BUB1B: variants seen among roughly 807,000 people sequenced by gnomAD.
BUB1B encodes the protein BUB1 mitotic checkpoint serine/threonine kinase B.
BUB1B carries 86 observed loss-of-function variants against 137.7 expected under a neutral mutation model. The ratio of observed to expected loss-of-function variants is 0.62; its 90% CI spans 0.52 to 0.75. The LOEUF (loss-of-function observed/expected upper bound fraction) is 0.75. BUB1B is among the 30% of genes least tolerant of loss of function. The probability of loss-of-function intolerance (pLI) is 0.00; values close to 1 mark genes in which losing one functional copy is unlikely to be tolerated. For missense variants in BUB1B, 1,130 were observed against 1,236.9 expected (o/e 0.91, Z 1.30); for synonymous variants, 420 against 417.9 (o/e 1.00, Z -0.06).
intron 9 of BUB1B, among the ~76,000 whole-genome samples, 195 bp downstream of exon 9, chr15:40,196,969 C>T (rs748469252): frequency 6.6e-6 from 1 of 152,148 alleles, no homozygotes; most frequent in Non-Finnish European, 1.5e-5. Flanking sequence ...TGTGTATCAG[C>T]CAAACTCCCA....
intron 9 of BUB1B, among the ~76,000 whole-genome samples, chr15:40,197,076 C>T (rs1159061188): frequency 6.6e-6 from 1 of 152,038 alleles, no homozygotes; most frequent in African/African-American, 2.4e-5. Context: ...ATTTATATTC[C>T]CCAATACAAT....
chr15:40,207,308 G>C (rs1351840293), intron 15 of BUB1B, among the ~76,000 whole-genome samples: 1 of 152,152 alleles, frequency 6.6e-6, no homozygotes. Flanking sequence ...TGCTTTTAAA[G>C]CTACATTTTG....
chr15:40,212,588 T>C lies in BUB1B; in HGVS notation c.2475T>C (p.Cys825=), dbSNP rs1163974500. 2 of 1,613,586 alleles carry C rather than the reference T, an allele frequency of 1.2e-6. No homozygotes were observed. Among genetic ancestry groups the C allele is most frequent in the Admixed American group, 3.3e-5 (2 of 60,000 alleles). The change falls in exon 19 of 23, where the codon TGT becomes TGC. Residue 825 remains cysteine (C), a synonymous_variant. Coordinates refer to ENST00000287598, the MANE Select transcript of BUB1B (RefSeq NM_001211.6). ...AAGATTTTGATCATTTTTGCAGCTGTTATCAATATCAAGATGGCTGTATTG... is the reference window on the plus strand; with the variant it reads ...AAGATTTTGATCATTTTTGCAGCTGCTATCAATATCAAGATGGCTGTATTG... ...LNEDFDHFCS[C]YQYQDGCIVW...
chr15:40,220,490 C>T, intron 22 of BUB1B, 74 bp from the exon 23 acceptor site: 5 of 1,492,134 alleles, frequency 3.4e-6, no homozygotes, highest in Non-Finnish European at 4.7e-6. Flanking sequence ...ATAAATGTAC[C>T]ACTGAGTTAA....
At chr15:40,199,389 G>GT (rs1248548708) in intron 9 of BUB1B, among the ~76,000 whole-genome samples, 2 of 152,098 alleles carry the variant, frequency 1.3e-5, no homozygotes, top group Non-Finnish European at 2.9e-5. Flanking sequence ...GGTATTCAAT[G>GT]TTTTTTTCCT....
chr15:40,168,329 T>C (rs868528716), intron 2 of BUB1B, among the ~76,000 whole-genome samples: 2 of 151,682 alleles, frequency 1.3e-5, no homozygotes, highest in South Asian at 2.1e-4. Flanking sequence ...ATTGTGCCAT[T>C]GCACTCTAGC....
chr15:40,209,544 A>G lies in BUB1B; in HGVS notation c.2144-91A>G. 5 of 1,423,124 alleles carry G rather than the reference A, an allele frequency of 3.5e-6. No homozygotes were observed. The East Asian group carries it at 1.2e-4, about 34-fold the overall frequency. The allele number at this position is 1,423,124 out of a possible 1,614,324, so 88.2% of individuals were successfully genotyped here. On this transcript the variant is annotated intron_variant, in intron 16 of 22. Coordinates refer to ENST00000287598, the MANE Select transcript of BUB1B (RefSeq NM_001211.6). ...TAACAGTGCTGACTGTGTAATCTTGATTTTTTTTTTCTTCTACTCTGTTAT... is the reference window on the plus strand; with the variant it reads ...TAACAGTGCTGACTGTGTAATCTTGGTTTTTTTTTTCTTCTACTCTGTTAT...
At chr15:40,187,327 C>T (rs1360795802) in intron 8 of BUB1B, among the ~76,000 whole-genome samples, 9 of 151,970 alleles carry the variant, frequency 5.9e-5, no homozygotes, top group South Asian at 2.1e-4. Context: ...GGGATTTCAC[C>T]GTGTTAGCCA....
intron 9 of BUB1B, among the ~76,000 whole-genome samples, chr15:40,198,131 T>G (rs2037520000): frequency 6.6e-6 from 1 of 152,056 alleles, no homozygotes; most frequent in Non-Finnish European, 1.5e-5. Flanking sequence ...AAAAGGTACA[T>G]TTTGTTTTCA....
intron 5 of BUB1B, among the ~76,000 whole-genome samples, chr15:40,182,610 G>A (rs1464693269): frequency 6.6e-6 from 1 of 152,182 alleles, no homozygotes; most frequent in Non-Finnish European, 1.5e-5. Context: ...AGCCTTTTCT[G>A]TGCTGCTTTG....
Position 40,201,063 on chromosome 15 carries a change from A to G in BUB1B, c.1567+83A>G, listed in dbSNP as rs574273088. The G allele has an allele frequency of 6.7e-6, 9 of 1,338,210 alleles. No homozygotes were observed. In the African/African-American group the frequency reaches 1.0e-4, roughly 15 times the overall value. 82.9% of individuals were successfully genotyped at this position (1,338,210 alleles called of 1,614,324 possible). A position where few individuals can be genotyped will look rare whatever the true frequency, so the allele number is the denominator to read the frequency against. ...TAAATGGTAAATATTTTTAATTATG[A>G]TAAAGGGATTGAAAGACAGGGGGAC... On this transcript the variant is annotated intron_variant, in intron 12 of 22. Transcript: ENST00000287598.
chr15:40,181,081 T>C (rs937992268), intron 5 of BUB1B, among the ~76,000 whole-genome samples: 3 of 145,996 alleles, frequency 2.1e-5, no homozygotes, highest in African/African-American at 7.6e-5. Flanking sequence ...GATTGTGATG[T>C]GTCTAGATGT....
At chr15:40,165,221 C>T (rs768361293) in intron 2 of BUB1B, 25 bp downstream of exon 2, 1 of 1,614,024 alleles carries the variant, frequency 6.2e-7, no homozygotes, top group South Asian at 1.1e-5. Flanking sequence ...TGAGTCTCAA[C>T]CTGTCGTCAT....
At chr15:40,204,735 C>T (rs1304842568) in intron 14 of BUB1B, among the ~76,000 whole-genome samples, 1 of 151,772 alleles carries the variant, frequency 6.6e-6, no homozygotes, top group East Asian at 1.9e-4. Flanking sequence ...CTCCTGTACT[C>T]AAGCATTCCT....
intron 8 of BUB1B, among the ~76,000 whole-genome samples, chr15:40,188,609 G>T (rs1428956265): frequency 2.0e-4 from 28 of 139,030 alleles, no homozygotes; most frequent in African/African-American, 7.7e-4. Context: ...TCGAGACAGA[G>T]TCTTGCTCTG....
Position 40,206,424 on chromosome 15 carries a change from A to G in BUB1B, c.1975A>G (p.Ile659Val), listed in dbSNP as rs757908748. The G allele has an allele frequency of 2.5e-6, 4 of 1,614,222 alleles. No individual in the cohort carries two copies. In the South Asian group the frequency reaches 4.4e-5, roughly 18 times the overall value. The change falls in exon 15 of 23, where the codon ATC (isoleucine) becomes GTC (valine). Residue 659 changes from isoleucine (I) to valine (V), a missense_variant. Coordinates refer to ENST00000287598, the MANE Select transcript of BUB1B (RefSeq NM_001211.6). ...SEDQQTACGT[I>V]YSQTLSIKKL... Reference sequence around the variant, plus strand: ...GGACCAGCAGACAGCTTGTGGCACTATCTACAGTCAGACTCTCAGCATCAA... The same window carrying G: ...GGACCAGCAGACAGCTTGTGGCACTGTCTACAGTCAGACTCTCAGCATCAA...
At chr15:40,180,735 C>G (rs900099561) in intron 5 of BUB1B, among the ~76,000 whole-genome samples, 1 of 150,050 alleles carries the variant, frequency 6.7e-6, no homozygotes, top group Non-Finnish European at 1.5e-5. Context: ...CTGCAAGCTC[C>G]GCCTCCTGGG....
chr15:40,192,155 G>A (rs1230428251), intron 8 of BUB1B, among the ~76,000 whole-genome samples: 1 of 152,124 alleles, frequency 6.6e-6, no homozygotes, highest in Admixed American at 6.6e-5. Flanking sequence ...GTATGTCTTT[G>A]AATTCTTTCA....
chr15:40,164,664 T>TTC (rs1040164017), intron 1 of BUB1B, among the ~76,000 whole-genome samples: 1 of 144,886 alleles, frequency 6.9e-6, no homozygotes, highest in African/African-American at 2.5e-5. Context: ...TCATTTTTCT[T>TTC]TTTTTTTTTT....
Sources: allele counts gnomAD v4.1 joint callset (sites outside exome capture counted in the v4.1 genomes callset), GRCh38; gene constraint gnomAD v4.1.1; transcripts MANE v1.5; gene names NCBI Gene and HGNC (gene_info 2026-07-23, HGNC 2026-07-21).